MYO18B: variants seen among roughly 807,000 people sequenced by gnomAD.
MYO18B encodes the protein myosin XVIIIB, also known as unconventional myosin-XVIIIb.
Under a neutral mutation model 273.0 loss-of-function variants are expected in MYO18B, and 204 were observed. The ratio of observed to expected loss-of-function variants is 0.75; its 90% CI spans 0.67 to 0.84. MYO18B has a LOEUF of 0.84. MYO18B is among the 40% of genes least tolerant of loss of function. The probability of loss-of-function intolerance (pLI) is 0.00; values close to 1 mark genes in which losing one functional copy is unlikely to be tolerated. For missense variants in MYO18B, 3,212 were observed against 3,287.6 expected, an observed-to-expected ratio of 0.98 and a Z score of 0.56; for synonymous variants, 1,330 against 1,305.7, an observed-to-expected ratio of 1.02 and a Z score of -0.40.
the MYO18B span, among the ~76,000 whole-genome samples, chr22:26,042,938 T>G: frequency 6.6e-6 from 1 of 152,178 alleles, no homozygotes; most frequent in Non-Finnish European, 1.5e-5. Flanking sequence ...GAGATCTACT[T>G]TGCGTGCAAT....
chr22:25,898,647 T>C, intron 29 of MYO18B, 186 bp downstream of exon 29: 5 of 627,004 alleles, frequency 8.0e-6, no homozygotes. Context: ...AAGAAATTAT[T>C]CTTTTCTCTT....
chr22:25,927,001 G>T (rs1337149374), intron 34 of MYO18B, among the ~76,000 whole-genome samples: 4 of 152,300 alleles, frequency 2.6e-5, no homozygotes, highest in African/African-American at 9.6e-5. Flanking sequence ...TCCCCAGTCA[G>T]TACCCTTGTG....
intron 42 of MYO18B, among the ~76,000 whole-genome samples, chr22:26,022,360 A>T (rs1171922806): frequency 6.6e-6 from 1 of 152,064 alleles, no homozygotes; most frequent in Non-Finnish European, 1.5e-5. Flanking sequence ...AATGGGGATG[A>T]TCATCCAGCC....
chr22:26,017,199 CCTT>C (rs1935425622), intron 42 of MYO18B, among the ~76,000 whole-genome samples: 1 of 149,988 alleles, frequency 6.7e-6, no homozygotes, highest in African/African-American at 2.4e-5. Context: ...TTTCTTTCTT[CCTT>C]CTTTTTTTAA....
chr22:25,891,490 C>A, intron 27 of MYO18B, 78 bp downstream of exon 27: 1 of 973,768 alleles, frequency 1.0e-6, no homozygotes, highest in Non-Finnish European at 1.6e-6. Flanking sequence ...ACTCATAGAG[C>A]ACTTTTTAGG....
At chr22:25,804,301 A>C (rs866211067) in intron 12 of MYO18B, among the ~76,000 whole-genome samples, 28 of 152,332 alleles carry the variant, frequency 1.8e-4, no homozygotes, top group Middle Eastern at 3.4e-3. Flanking sequence ...GCTCAGAGGC[A>C]AGCTAAGGCA....
chr22:25,886,864 A>G (rs925032145), intron 25 of MYO18B, among the ~76,000 whole-genome samples: 1 of 151,726 alleles, frequency 6.6e-6, no homozygotes, highest in African/African-American at 2.4e-5. Context: ...CCCTCTCTCA[A>G]CTCCCCAGTT....
At chr22:25,847,858 G>A (rs918266303) in intron 20 of MYO18B, among the ~76,000 whole-genome samples, 3 of 151,910 alleles carry the variant, frequency 2.0e-5, no homozygotes, top group Non-Finnish European at 2.9e-5. Context: ...TTGCCTGGAC[G>A]TGGCAGAGCC....
chr22:25,752,159 T>C (rs909006617), intron 1 of MYO18B, among the ~76,000 whole-genome samples: 2 of 151,940 alleles, frequency 1.3e-5, no homozygotes, highest in Non-Finnish European at 2.9e-5. Context: ...CTTATTCATT[T>C]GACAAATATT....
chr22:26,015,680 CA>C (rs767358807), intron 42 of MYO18B, among the ~76,000 whole-genome samples: 7 of 152,034 alleles, frequency 4.6e-5, no homozygotes, highest in Non-Finnish European at 8.8e-5. Context: ...GGGAGAGGAT[CA>C]GAAAAAATAA....
At chr22:25,923,033 GT>G (rs1244721721) in intron 34 of MYO18B, among the ~76,000 whole-genome samples, 2 of 152,218 alleles carry the variant, frequency 1.3e-5, no homozygotes, top group African/African-American at 2.4e-5. Flanking sequence ...GTCTGGGACA[GT>G]TTCTCAGGCT....
chr22:25,868,185 T>C, intron 21 of MYO18B, 135 bp from the exon 22 acceptor site: 2 of 703,620 alleles, frequency 2.8e-6, no homozygotes, highest in South Asian at 1.8e-5. Flanking sequence ...GAGGTGGGGC[T>C]CTGTTAGCCA....
the MYO18B span, among the ~76,000 whole-genome samples, chr22:26,060,689 T>C: frequency 2.0e-5 from 3 of 151,998 alleles, no homozygotes; most frequent in Non-Finnish European, 4.4e-5. Context: ...ACTACACACA[T>C]ATGTACATAC....
At chr22:25,812,587 G>C (rs2088813140) in intron 12 of MYO18B, among the ~76,000 whole-genome samples, 1 of 152,228 alleles carries the variant, frequency 6.6e-6, no homozygotes, top group African/African-American at 2.4e-5. Context: ...GAGAGCTGCA[G>C]GGCTGGGCCT....
At chr22:26,009,207 A>G (rs1311971482) in intron 42 of MYO18B, among the ~76,000 whole-genome samples, 1 of 152,108 alleles carries the variant, frequency 6.6e-6, no homozygotes, top group African/African-American at 2.4e-5. Flanking sequence ...ATTCATCTCT[A>G]TTTGCCCCCA....
intron 34 of MYO18B, among the ~76,000 whole-genome samples, chr22:25,943,677 T>TG (rs1433321490): frequency 6.6e-6 from 1 of 151,462 alleles, no homozygotes; most frequent in Non-Finnish European, 1.5e-5. Flanking sequence ...GCTCTGCACA[T>TG]GGCCATCTAC....
At position 26,027,574 on chromosome 22, in the gene MYO18B, G is replaced by A. The variant is rs2057082648; in HGVS notation, c.7600G>A (p.Ala2534Thr). 1 of 1,613,998 alleles carries A rather than the reference G, an allele frequency of 6.2e-7. No homozygotes were observed. The highest frequency in any genetic ancestry group is 8.5e-7 in the Non-Finnish European group (1 of 1,179,906). ...IKSRPGIPRL[A>T]GDGGERTSPE... is the part of the protein sequence containing the mutation. Reference sequence around the variant, plus strand: ...AAGTCGACCAGGAATCCCACGACTTGCGGGTGACGGTGGCGAGCGAACGTC... The same window carrying A: ...AAGTCGACCAGGAATCCCACGACTTACGGGTGACGGTGGCGAGCGAACGTC... Residue 2534 changes from alanine to threonine, a missense_variant, in exon 43 of 44, where the codon GCG becomes ACG. Coordinates refer to ENST00000335473, the MANE Select transcript of MYO18B (RefSeq NM_032608.7). The surrounding 1 kb of genome is among the most constrained non-coding windows in gnomAD (Gnocchi z 4.1).
rs2147021189 is a variant in MYO18B at position 26,027,066 on chromosome 22, A to G, written c.7092A>G (p.Lys2364=). 1.9e-6 allele frequency: 3 copies of G among 1,613,928 alleles called. No homozygotes were observed. The highest frequency in any genetic ancestry group is 4.5e-5 in the East Asian group (2 of 44,866). The change falls in exon 43 of 44, where the codon AAA becomes AAG. Residue 2364 remains lysine (K), a synonymous_variant. Coordinates refer to ENST00000335473, the MANE Select transcript of MYO18B (RefSeq NM_032608.7). The surrounding 1 kb of genome is among the most constrained non-coding windows in gnomAD (Gnocchi z 4.1). ...AATCCAGACCGAGCATGGGGAGAAA[A>G]CTGAGCTCTCCGACCACACCCAGGG... ...LLESRPSMGR[K]LSSPTTPRDM...
At chr22:25,997,180 G>A (rs547628501) in intron 40 of MYO18B, among the ~76,000 whole-genome samples, 5 of 151,718 alleles carry the variant, frequency 3.3e-5, no homozygotes, top group South Asian at 2.1e-4. Context: ...AAAATTAGCC[G>A]GGCTTGGTGG....
Sources: gnomAD v4.1 joint callset for allele counts (sites outside exome capture counted in the v4.1 genomes callset) on GRCh38, gnomAD v4.1.1 for gene constraint, Gnocchi (gnomAD v3.1) non-coding constraint, MANE v1.5 for transcripts, NCBI Gene and HGNC (gene_info 2026-07-23, HGNC 2026-07-21) for gene names.